CELF2: variants seen among roughly 807,000 people sequenced by gnomAD.
CELF2 encodes the protein CUGBP Elav-like family member 2.
A neutral mutation model predicts 62.6 loss-of-function variants in CELF2; 8 were observed. That is an observed-to-expected ratio of 0.13 (90% CI 0.07 to 0.23). The LOEUF is 0.23. Among genes scored for constraint, CELF2 ranks in the 10% least tolerant of loss-of-function variants. CELF2 has a pLI of 1.00. For missense variants in CELF2, 333 were observed against 671.0 expected (o/e 0.50, Z 5.56); for synonymous variants, 258 against 250.0 (o/e 1.03, Z -0.30).
chr10:10,696,279 G>A, the CELF2 span, among the ~76,000 whole-genome samples: 1 of 151,970 alleles, frequency 6.6e-6, no homozygotes, highest in Admixed American at 6.5e-5. Flanking sequence ...GTGTCAGTGT[G>A]CCCCTGCTGG....
At chr10:10,535,993 A>C in the CELF2 span, among the ~76,000 whole-genome samples, 2 of 149,108 alleles carry the variant, frequency 1.3e-5, no homozygotes, top group African/African-American at 4.9e-5. Flanking sequence ...CAGTGTTCAT[A>C]GGGGTGGGGG....
At chr10:10,878,162 GAAGATCCTATAGGATCCCATCTATT>G (rs2061229259) in intron 1 of CELF2, among the ~76,000 whole-genome samples, 1 of 152,188 alleles carries the variant, frequency 6.6e-6, no homozygotes, top group African/African-American at 2.4e-5. Flanking sequence ...TTTCCAACCT[GAAGATCCTATAGGATCCCATCTATT>G]AGATGACTCT....
chr10:11,262,131 T>C (rs2080837771), intron 5 of CELF2, among the ~76,000 whole-genome samples: 2 of 152,220 alleles, frequency 1.3e-5, no homozygotes, highest in Admixed American at 6.5e-5. Context: ...GTTTATGGTG[T>C]TCCAACATTC....
At chr10:11,147,033 G>A (rs187194023) in intron 1 of CELF2, among the ~76,000 whole-genome samples, 1 of 152,190 alleles carries the variant, frequency 6.6e-6, no homozygotes, top group African/African-American at 2.4e-5. Context: ...ATTAGAATGA[G>A]ATCAGTGCCT....
chr10:10,729,728 G>A, the CELF2 span, among the ~76,000 whole-genome samples: 14 of 151,386 alleles, frequency 9.2e-5, no homozygotes, highest in East Asian at 3.9e-4. Flanking sequence ...GCAGTAAGCC[G>A]AGATCATGCC....
chr10:11,166,340 GAT>G (rs749140641), intron 2 of CELF2, among the ~76,000 whole-genome samples: 2 of 152,176 alleles, frequency 1.3e-5, no homozygotes, highest in Non-Finnish European at 2.9e-5. Flanking sequence ...GAAGGTATAG[GAT>G]CTGGTAGTTG....
In CELF2 at chr10:11,223,706, G is replaced by T. The variant is rs1429889284; in HGVS notation, c.354+6199G>T. 6.6e-6 allele frequency among the ~76,000 whole-genome samples: 1 copy of T among 152,086 alleles called. No individual in the cohort carries two copies. Among genetic ancestry groups the T allele is most frequent in the Admixed American group, 6.5e-5 (1 of 15,272 alleles). On this transcript the variant is annotated intron_variant, in intron 3 of 12. Transcript: ENST00000633077. The surrounding 1 kb of genome is among the most constrained non-coding windows in gnomAD (Gnocchi z 5.1). ...AGTCACAGCAGTATGAAAGGGGTAG[G>T]GGCAGAGTGTAGACCCAGCCCCAAG... is the stretch of plus-strand genomic sequence containing the variant.
chr10:10,848,813 C>T (rs1591139032), intron 1 of CELF2, among the ~76,000 whole-genome samples: 1 of 152,068 alleles, frequency 6.6e-6, no homozygotes, highest in East Asian at 1.9e-4. Context: ...GAGATTAGAC[C>T]ACAGGGTTGT....
chr10:10,900,784 C>T (rs1469615264), intron 1 of CELF2, among the ~76,000 whole-genome samples: 6 of 152,176 alleles, frequency 3.9e-5, no homozygotes, highest in South Asian at 2.1e-4. Flanking sequence ...AGAAATTAAA[C>T]TGTCTTTCTG....
At chr10:11,301,246 A>G (rs1244524163) in intron 9 of CELF2, among the ~76,000 whole-genome samples, 1 of 151,930 alleles carries the variant, frequency 6.6e-6, no homozygotes, top group Non-Finnish European at 1.5e-5. Flanking sequence ...ATGGAGGAAT[A>G]CCCAAGTTCC....
intron 1 of CELF2, among the ~76,000 whole-genome samples, chr10:11,113,665 G>A (rs564146906): frequency 6.6e-6 from 1 of 152,308 alleles, no homozygotes; most frequent in Admixed American, 6.5e-5. Context: ...GGCCTCTGGT[G>A]TTCTGGTGGG....
At chr10:11,264,807 G>T (rs534398694) in intron 5 of CELF2, among the ~76,000 whole-genome samples, 1 of 152,182 alleles carries the variant, frequency 6.6e-6, no homozygotes, top group Non-Finnish European at 1.5e-5. Flanking sequence ...TACAGGTAGC[G>T]TGTTCAGATA....
chr10:11,241,405 G>A (rs2004062), intron 3 of CELF2, among the ~76,000 whole-genome samples: 9,341 of 152,148 alleles, frequency 0.061, 573 homozygotes, highest in East Asian at 0.24. Flanking sequence ...TCACCATGTT[G>A]GCTAGGCTGG....
At chr10:10,780,537 G>A in the CELF2 span, among the ~76,000 whole-genome samples, 3 of 152,140 alleles carry the variant, frequency 2.0e-5, no homozygotes, top group Non-Finnish European at 1.5e-5. Flanking sequence ...CTGGAGTGCA[G>A]TGGCACTATC....
At chr10:10,941,370 C>T (rs879431705) in intron 2 of CELF2, among the ~76,000 whole-genome samples, 2 of 152,160 alleles carry the variant, frequency 1.3e-5, no homozygotes, top group African/African-American at 2.4e-5. Flanking sequence ...TGTGGGAATT[C>T]AGTCCATAAA....
chr10:10,918,623 C>G (rs768089272), intron 1 of CELF2, among the ~76,000 whole-genome samples: 1 of 152,068 alleles, frequency 6.6e-6, no homozygotes, highest in Non-Finnish European at 1.5e-5. Flanking sequence ...AGAAGGAAGT[C>G]CTCTGTTTGA....
the CELF2 span, among the ~76,000 whole-genome samples, chr10:10,734,365 T>C: frequency 6.6e-6 from 1 of 152,232 alleles, no homozygotes; most frequent in African/African-American, 2.4e-5. Flanking sequence ...CTAGTAGAAC[T>C]CCTTGCTTCA....
the CELF2 span, among the ~76,000 whole-genome samples, chr10:10,619,573 C>A: frequency 6.6e-6 from 1 of 152,204 alleles, no homozygotes; most frequent in East Asian, 1.9e-4. Flanking sequence ...TTCAACCCCC[C>A]TCAGGCTTCC....
At chr10:10,561,968 A>G in the CELF2 span, among the ~76,000 whole-genome samples, 6 of 152,092 alleles carry the variant, frequency 3.9e-5, no homozygotes, top group Non-Finnish European at 7.4e-5. Flanking sequence ...CTGGCTAGAG[A>G]GTGATGCGAT....
Sources: gnomAD v4.1 joint callset for allele counts (sites outside exome capture counted in the v4.1 genomes callset) on GRCh38, gnomAD v4.1.1 for gene constraint, Gnocchi (gnomAD v3.1) non-coding constraint, MANE v1.5 for transcripts, NCBI Gene and HGNC (gene_info 2026-07-23, HGNC 2026-07-21) for gene names.